Variants in NRXN3 observed in about 807,000 individuals in gnomAD.
NRXN3 encodes neurexin III.
Under a neutral mutation model 137.6 loss-of-function variants are expected in NRXN3, and 32 were observed. The observed-to-expected ratio is 0.23, with a 90% CI of 0.18 to 0.31. NRXN3 has a LOEUF of 0.31. NRXN3 is among the 10% of genes least tolerant of loss of function. NRXN3 has a pLI of 1.00. For synonymous variants in NRXN3, 798 were observed against 784.5 expected, an observed-to-expected ratio of 1.02 and a Z score of -0.29; for missense variants, 1,574 against 2,062.5, an observed-to-expected ratio of 0.76 and a Z score of 4.59.
chr14:79,366,980 CTTTTTTT>C (rs71131695), intron 15 of NRXN3, among the ~76,000 whole-genome samples: 1 of 113,204 alleles, frequency 8.8e-6, no homozygotes, highest in African/African-American at 3.2e-5. Flanking sequence ...GTCCCTTAGT[CTTTTTTT>C]TTTTTTTTTT....
intron 4 of NRXN3, among the ~76,000 whole-genome samples, chr14:78,583,558 A>G (rs2097027079): frequency 6.6e-6 from 1 of 152,334 alleles, no homozygotes; most frequent in African/African-American, 2.4e-5. Flanking sequence ...AAGAATCCCC[A>G]GGGAATTACT....
At position 79,788,877 on chromosome 14, in the gene NRXN3, A is replaced by T. The variant is rs567055275; in HGVS notation, c.4015-16235A>T. On this transcript the variant is annotated intron_variant, in intron 19 of 20. Coordinates refer to ENST00000335750, the MANE Select transcript of NRXN3 (RefSeq NM_001330195.2). Reference sequence around the variant, plus strand: ...AGTGTTTGGGTTGGACCTTAAAAAAAGGTATACCATTTCAGCAGGTATAAA... The same window carrying T: ...AGTGTTTGGGTTGGACCTTAAAAAATGGTATACCATTTCAGCAGGTATAAA... Among the ~76,000 whole-genome samples the T allele has an allele frequency of 5.3e-5, 8 of 152,358 alleles. No homozygotes were observed. The South Asian group carries it at 1.4e-3, about 28-fold the overall frequency.
At chr14:79,095,778 T>C (rs1050485290) in intron 15 of NRXN3, among the ~76,000 whole-genome samples, 5 of 152,344 alleles carry the variant, frequency 3.3e-5, no homozygotes, top group Admixed American at 3.3e-4. Context: ...TTCTGGATTT[T>C]GAAAAGTTGT....
intron 3 of NRXN3, among the ~76,000 whole-genome samples, chr14:78,280,873 G>C (rs10483897): frequency 0.058 from 8,818 of 152,218 alleles, 771 homozygotes; most frequent in African/African-American, 0.19. Context: ...TTTCATGGCT[G>C]TTGTCTCATT....
At chr14:78,263,399 T>C (rs532527185) in intron 2 of NRXN3, among the ~76,000 whole-genome samples, 3 of 152,352 alleles carry the variant, frequency 2.0e-5, no homozygotes, top group Non-Finnish European at 4.4e-5. Flanking sequence ...TTAATCAAGA[T>C]ACTTTGATTG....
chr14:78,244,819 G>T (rs1490296865), intron 2 of NRXN3, among the ~76,000 whole-genome samples: 1 of 152,194 alleles, frequency 6.6e-6, no homozygotes, highest in African/African-American at 2.4e-5. Context: ...GCCTCCAAGG[G>T]AGCTGAGAGT....
chr14:79,691,780 C>T (rs1024099717), intron 17 of NRXN3, among the ~76,000 whole-genome samples: 1 of 151,924 alleles, frequency 6.6e-6, no homozygotes, highest in Non-Finnish European at 1.5e-5. Context: ...GACTGTGGAG[C>T]GAGGGTCCCG....
rs1195623724 is a variant in NRXN3 at position 79,866,280 on chromosome 14, T to C, written c.*4316T>C. The C allele has an allele frequency of 6.6e-6, 1 of 152,304 alleles. No homozygotes were observed. Among genetic ancestry groups the C allele is most frequent in the African/African-American group, 2.4e-5 (1 of 41,568 alleles). The allele number at this position is 152,304 out of a possible 1,614,324, so 9.4% of individuals were successfully genotyped here. A position where few individuals can be genotyped will look rare whatever the true frequency, so the allele number is the denominator to read the frequency against. ...GTCTATTGAATATTTACTAAATGAT[T>C]ATGGGATATTAAATTGAGAGCCTTG... is the stretch of plus-strand genomic sequence containing the variant. On this transcript the variant is annotated 3_prime_UTR_variant, in exon 21 of 21. Coordinates refer to ENST00000335750, the MANE Select transcript of NRXN3 (RefSeq NM_001330195.2).
chr14:78,768,979 C>T (rs542412144), intron 8 of NRXN3, among the ~76,000 whole-genome samples: 4 of 152,276 alleles, frequency 2.6e-5, no homozygotes, highest in African/African-American at 7.2e-5. Flanking sequence ...GACTCAATCT[C>T]CTCCATCTTC....
chr14:79,207,419 G>A, intron 15 of NRXN3, among the ~76,000 whole-genome samples: 1 of 152,140 alleles, frequency 6.6e-6, no homozygotes, highest in Admixed American at 6.5e-5. Flanking sequence ...AGACAAAAGA[G>A]ACTGAAGTAG....
chr14:79,001,974 A>C (rs1235495830), intron 15 of NRXN3, among the ~76,000 whole-genome samples: 2 of 152,178 alleles, frequency 1.3e-5, no homozygotes, highest in African/African-American at 4.8e-5. Context: ...TTACCAATAA[A>C]TAAAGCAAGT....
intron 4 of NRXN3, among the ~76,000 whole-genome samples, chr14:78,518,096 GA>G (rs1375789660): frequency 2.6e-5 from 4 of 152,276 alleles, no homozygotes; most frequent in South Asian, 4.1e-4. Context: ...TATGGGGTTT[GA>G]AAAAACTAAG....
intron 19 of NRXN3, among the ~76,000 whole-genome samples, chr14:79,743,713 G>GTAC (rs1309910540): frequency 2.6e-5 from 4 of 152,040 alleles, no homozygotes; most frequent in Admixed American, 1.3e-4. Flanking sequence ...CTTCTATGAT[G>GTAC]TACTATTCCA....
Position 78,715,108 on chromosome 14 carries a change from C to T in NRXN3, c.2013C>T (p.Gly671=), listed in dbSNP as rs754025749. ...ACCGCTTCATCTGCGACTGCACCGG[C>T]ACCGGATACTGGGGAAGAACCTGCG... ...GWNRFICDCT[G]TGYWGRTCER... Residue 671 remains glycine (G), a synonymous_variant, in exon 8 of 21, where the codon GGC becomes GGT. Coordinates refer to ENST00000335750, the MANE Select transcript of NRXN3 (RefSeq NM_001330195.2). 6.2e-7 allele frequency: 1 copy of T among 1,611,300 alleles called. No homozygotes were observed. The highest frequency in any genetic ancestry group is 1.1e-5 in the South Asian group (1 of 91,074).
chr14:79,449,808 G>A (rs2096133405), intron 15 of NRXN3, among the ~76,000 whole-genome samples: 1 of 151,924 alleles, frequency 6.6e-6, no homozygotes, highest in Admixed American at 6.6e-5. Context: ...TGGCTAACAT[G>A]GTGAAACCCC....
intron 16 of NRXN3, among the ~76,000 whole-genome samples, chr14:79,541,138 C>T (rs12587965): frequency 0.56 from 84,736 of 151,972 alleles, 26,891 homozygotes; most frequent in Non-Finnish European, 0.7. Flanking sequence ...AGGCCAGGAG[C>T]GGTGGCTCAA....
chr14:78,926,892 A>AAAT (rs1440696223), intron 10 of NRXN3, among the ~76,000 whole-genome samples: 297 of 27,100 alleles, frequency 0.011, 33 homozygotes, highest in Non-Finnish European at 0.013. Flanking sequence ...ATATTTATAT[A>AAAT]TATATATAAT....
intron 15 of NRXN3, among the ~76,000 whole-genome samples, chr14:79,292,573 A>G (rs1598374588): frequency 1.3e-5 from 2 of 152,354 alleles, no homozygotes; most frequent in Admixed American, 6.5e-5. Context: ...CAAAATTCCA[A>G]TGATTTCTAA....
intron 15 of NRXN3, among the ~76,000 whole-genome samples, chr14:79,110,560 A>G (rs1263011437): frequency 2.0e-5 from 3 of 152,192 alleles, no homozygotes; most frequent in African/African-American, 7.2e-5. Context: ...AATACTTGCT[A>G]AATAGATGGA....
Sources: allele counts gnomAD v4.1 joint callset (sites outside exome capture counted in the v4.1 genomes callset), GRCh38; gene constraint gnomAD v4.1.1; transcripts MANE v1.5; gene names NCBI Gene and HGNC (gene_info 2026-07-23, HGNC 2026-07-21).